The following PDCD11 variants were observed in gnomAD, a reference collection of about 807,000 sequenced individuals.
PDCD11 encodes programmed cell death 11.
PDCD11 carries 97 observed loss-of-function variants against 198.9 expected under a neutral mutation model. That is an observed-to-expected ratio of 0.49 (90% CI 0.41 to 0.58). PDCD11 has a LOEUF of 0.58. Among genes scored for constraint, PDCD11 ranks in the 20% least tolerant of loss-of-function variants. The pLI is 0.00. For missense variants in PDCD11, 2,102 were observed against 2,312.7 expected, an observed-to-expected ratio of 0.91 and a Z score of 1.87; for synonymous variants, 893 against 918.0, an observed-to-expected ratio of 0.97 and a Z score of 0.49.
intron 13 of PDCD11, 145 bp downstream of exon 13, chr10:103,416,887 A>G: frequency 1.1e-6 from 1 of 918,248 alleles, no homozygotes; most frequent in Non-Finnish European, 1.7e-6. Context: ...TAAATGGAGG[A>G]GACGGGGAAC....
rs1327876552 is a variant in PDCD11 at position 103,445,579 on chromosome 10, A to G, written c.*30A>G. On this transcript the variant is annotated 3_prime_UTR_variant, in exon 36 of 36. Transcript: ENST00000369797. ...AGGCTGGCTCTGTGGGACACTGTCA[A>G]CAATGGGCCAGCCCGGCCCCGCCTC... 3.1e-6 allele frequency: 5 copies of G among 1,601,934 alleles called. No individual in the cohort carries two copies. Among genetic ancestry groups the G allele is most frequent in the Admixed American group, 3.4e-5 (2 of 59,142 alleles).
chr10:103,424,528 C>T (rs1424510740), intron 19 of PDCD11, among the ~76,000 whole-genome samples: 1 of 152,156 alleles, frequency 6.6e-6, no homozygotes, highest in African/African-American at 2.4e-5. Flanking sequence ...AGGCTAGGTG[C>T]CTTGCACACA....
At position 103,444,438 on chromosome 10, in the gene PDCD11, A is replaced by C; in HGVS notation, c.5279-79A>C. 3 of 1,363,508 alleles carry C rather than the reference A, an allele frequency of 2.2e-6. No individual in the cohort carries two copies. In the East Asian group the frequency reaches 6.9e-5, roughly 31 times the overall value. 84.5% of individuals were successfully genotyped at this position (1,363,508 alleles called of 1,614,324 possible). ...GACCCAAGAGCAGGGAGTCAGGTGC[A>C]CGCTGACCCTGCGGAACACTGTGTT... On this transcript the variant is annotated intron_variant, in intron 34 of 35. Coordinates refer to ENST00000369797, the MANE Select transcript of PDCD11 (RefSeq NM_014976.2).
At chr10:103,419,998 A>C (rs898225309) in intron 16 of PDCD11, among the ~76,000 whole-genome samples, 1 of 126,020 alleles carries the variant, frequency 7.9e-6, no homozygotes, top group African/African-American at 3.2e-5. Flanking sequence ...GAGTTTTACC[A>C]TGTTGGCCAG....
chr10:103,426,187 G>A (rs904630784), intron 20 of PDCD11, among the ~76,000 whole-genome samples: 8 of 152,292 alleles, frequency 5.3e-5, no homozygotes, highest in South Asian at 2.1e-4. Flanking sequence ...TGCCTAGTGG[G>A]TTGCTGGCCT....
chr10:103,398,712 C>T (rs537888516), intron 2 of PDCD11, among the ~76,000 whole-genome samples, 184 bp downstream of exon 2: 1 of 152,272 alleles, frequency 6.6e-6, no homozygotes, highest in Admixed American at 6.5e-5. Flanking sequence ...TGAAGCTTGG[C>T]ATTTAGTATT....
chr10:103,411,435 GGTTAATT>G (rs1340278175), intron 8 of PDCD11, among the ~76,000 whole-genome samples: 1 of 152,072 alleles, frequency 6.6e-6, no homozygotes, highest in Admixed American at 6.5e-5. Flanking sequence ...GCACAACCAC[GGTTAATT>G]GCAACCTCAA....
At chr10:103,443,072 TGGGAGG>T in intron 32 of PDCD11, 87 bp from the exon 33 acceptor site, 1 of 1,126,396 alleles carries the variant, frequency 8.9e-7, no homozygotes, top group Non-Finnish European at 1.3e-6. Context: ...AGATAGAGGC[TGGGAGG>T]GGGAGGTGGT....
chr10:103,418,073 G>T, intron 14 of PDCD11, 141 bp downstream of exon 14: 2 of 864,098 alleles, frequency 2.3e-6, no homozygotes, highest in East Asian at 2.5e-5. Flanking sequence ...GGGTTCATAC[G>T]CATTCCTTCC....
chr10:103,446,269 G>C lies in PDCD11; in HGVS notation c.*720G>C, dbSNP rs1269769631. The C allele has an allele frequency of 6.6e-6, 1 of 152,312 alleles. No homozygotes were observed. The highest frequency in any genetic ancestry group is 6.5e-5 in the Admixed American group (1 of 15,282). 9.4% of individuals were successfully genotyped at this position (152,312 alleles called of 1,614,324 possible). On this transcript the variant is annotated 3_prime_UTR_variant, in exon 36 of 36. Coordinates refer to ENST00000369797, the MANE Select transcript of PDCD11 (RefSeq NM_014976.2). Reference sequence around the variant, plus strand: ...CAGTTCTTTTTTGTCTTGGTCATGAGGGAATTAAACGTTTTCTCTGGCAGA... The same window carrying C: ...CAGTTCTTTTTTGTCTTGGTCATGACGGAATTAAACGTTTTCTCTGGCAGA...
chr10:103,413,086 C>G lies in PDCD11; in HGVS notation c.979-30C>G, dbSNP rs766844961. 2.5e-6 allele frequency: 4 copies of G among 1,596,616 alleles called. No homozygotes were observed. The African/African-American group carries it at 4.0e-5, about 16-fold the overall frequency. ...TCTAGGGTGCTCCTGTGTGCCTCCTCCTGCTCACCCTGCCCTTCCTTTTGT... is the reference window on the plus strand; with the variant it reads ...TCTAGGGTGCTCCTGTGTGCCTCCTGCTGCTCACCCTGCCCTTCCTTTTGT... On this transcript the variant is annotated intron_variant, in intron 8 of 35. Coordinates refer to ENST00000369797, the MANE Select transcript of PDCD11 (RefSeq NM_014976.2).
At position 103,420,797 on chromosome 10, in the gene PDCD11, G is replaced by A. The variant is rs186695468; in HGVS notation, c.2278-551G>A. On this transcript the variant is annotated intron_variant, in intron 16 of 35. Transcript: ENST00000369797. ...TGAGGACAGCCCTGGTGTCTGCCTG[G>A]CTTGCTGTGAATGTGCCTTCTTGAC... Among the ~76,000 whole-genome samples, 332 of 152,296 alleles carry A rather than the reference G, an allele frequency of 2.2e-3. 1 individual carries two copies. The highest frequency in any genetic ancestry group is 3.7e-3 in the Non-Finnish European group (250 of 68,002).
At chr10:103,406,512 G>A (rs924865759) in intron 6 of PDCD11, 97 bp from the exon 7 acceptor site, 3 of 1,062,128 alleles carry the variant, frequency 2.8e-6, no homozygotes, top group South Asian at 3.3e-5. Flanking sequence ...AACTGGGCAG[G>A]TAGGCCATGG....
chr10:103,414,867 C>T, intron 11 of PDCD11, 138 bp from the exon 12 acceptor site: 1 of 772,566 alleles, frequency 1.3e-6, no homozygotes, highest in Admixed American at 2.1e-5. Flanking sequence ...TGTGCTTCAC[C>T]CATGTGCCAT....
intron 15 of PDCD11, 58 bp downstream of exon 15, chr10:103,418,692 T>C: frequency 2.2e-6 from 3 of 1,381,988 alleles, no homozygotes; most frequent in South Asian, 1.3e-5. Context: ...GGTGCTTGGA[T>C]GGGAAATTCT....
chr10:103,426,815 G>C (rs183040730), intron 20 of PDCD11, among the ~76,000 whole-genome samples: 1 of 151,716 alleles, frequency 6.6e-6, no homozygotes, highest in Non-Finnish European at 1.5e-5. Flanking sequence ...GGTGAGGCTG[G>C]GTGTAGTGGC....
Position 103,434,803 on chromosome 10 carries a change from C to T in PDCD11, c.3673C>T (p.His1225Tyr). 1 of 1,607,652 alleles carries T rather than the reference C, an allele frequency of 6.2e-7. No homozygotes were observed. The highest frequency in any genetic ancestry group is 8.5e-7 in the Non-Finnish European group (1 of 1,177,228). Reference protein sequence around the residue: ...TLLCLSLTGPHKLEEGEVAMG... With the variant: ...TLLCLSLTGPYKLEEGEVAMG... Reference sequence around the variant, plus strand: ...CAGGTTGGTTCTTCCACCAGGTCCTCACAAGCTTGAGGAAGGGGAAGTGGC... The same window carrying T: ...CAGGTTGGTTCTTCCACCAGGTCCTTACAAGCTTGAGGAAGGGGAAGTGGC... Residue 1225 changes from histidine (H) to tyrosine (Y), a missense_variant, in exon 25 of 36, where the codon CAC becomes TAC. Physicochemically the swap from His to Tyr is moderately conservative, Grantham distance 83. Coordinates refer to ENST00000369797, the MANE Select transcript of PDCD11 (RefSeq NM_014976.2).
At chr10:103,406,153 A>G (rs1354495650) in intron 6 of PDCD11, 45 bp downstream of exon 6, 1 of 1,599,390 alleles carries the variant, frequency 6.3e-7, no homozygotes, top group East Asian at 2.2e-5. Context: ...GAGGTGGTAC[A>G]TGTGGGGATT....
chr10:103,406,207 C>A, intron 6 of PDCD11, 99 bp downstream of exon 6: 1 of 1,397,440 alleles, frequency 7.2e-7, no homozygotes, highest in Non-Finnish European at 9.9e-7. Context: ...AGAATGGTGA[C>A]CCTGAAGGTG....
Sources: allele counts gnomAD v4.1 joint callset (sites outside exome capture counted in the v4.1 genomes callset), GRCh38; gene constraint gnomAD v4.1.1; transcripts MANE v1.5; gene names NCBI Gene and HGNC (gene_info 2026-07-23, HGNC 2026-07-21).